INVS: variants seen among roughly 807,000 people sequenced by gnomAD.
The protein encoded by INVS is inversin.
INVS carries 86 observed loss-of-function variants against 108.8 expected under a neutral mutation model. The ratio of observed to expected loss-of-function variants is 0.79; its 90% CI spans 0.66 to 0.95. The LOEUF (loss-of-function observed/expected upper bound fraction) is 0.95, where lower values mean the gene tolerates loss of function less well. Ranked by LOEUF, INVS falls within the 40% of genes least tolerant of loss-of-function variation. The pLI, the probability that INVS is intolerant of heterozygous loss-of-function variation, is 0.00. For synonymous variants in INVS, 455 were observed against 473.5 expected (o/e 0.96, Z 0.51); for missense variants, 1,169 against 1,297.4 (o/e 0.90, Z 1.52).
At chr9:100,239,912 T>G in intron 5 of INVS, 148 bp from the exon 6 acceptor site, 5 of 715,830 alleles carry the variant, frequency 7.0e-6, no homozygotes, top group Non-Finnish European at 1.2e-5. Flanking sequence ...GAGGCTGCAG[T>G]GAGCTGTGAT....
chr9:100,126,990 T>C (rs1273576318), intron 3 of INVS, among the ~76,000 whole-genome samples: 1 of 152,054 alleles, frequency 6.6e-6, no homozygotes, highest in Non-Finnish European at 1.5e-5. Context: ...CTATAAAAAG[T>C]TGAAATCCCA....
chr9:100,299,555 AACAC>A (rs55800849), intron 16 of INVS, among the ~76,000 whole-genome samples: 8,030 of 125,350 alleles, frequency 0.064, 366 homozygotes, highest in Non-Finnish European at 0.099. Flanking sequence ...ATTGACACAC[AACAC>A]ACACACACAC....
intron 10 of INVS, among the ~76,000 whole-genome samples, chr9:100,260,426 C>T (rs1832584312): frequency 1.3e-5 from 2 of 151,494 alleles, no homozygotes; most frequent in African/African-American, 2.4e-5. Context: ...CTCCTGACCT[C>T]GTGATCCACC....
In INVS at chr9:100,174,323, C is replaced by G. The variant is rs560959549; in HGVS notation, c.273+47774C>G. 3.3e-5 allele frequency among the ~76,000 whole-genome samples: 5 copies of G among 151,740 alleles called. No individual in the cohort carries two copies. In the South Asian group the frequency reaches 1.0e-3, roughly 32 times the overall value. On this transcript the variant is annotated intron_variant, in intron 3 of 16. Coordinates refer to ENST00000262457, the MANE Select transcript of INVS (RefSeq NM_014425.5). ...CTGAAAACTACAATATCTAAAGATT[C>G]ACTAGAAGGGCTTATCAGCAGATTG...
rs548033276 is a variant in INVS at position 100,240,064 on chromosome 9, C to T, written c.620C>T (p.Ala207Val). The T allele has an allele frequency of 6.2e-7, 1 of 1,613,730 alleles. No individual in the cohort carries two copies. The highest frequency in any genetic ancestry group is 1.1e-5 in the South Asian group (1 of 91,086). The change falls in exon 6 of 17, where the codon GCT becomes GTT. Residue 207 changes from alanine to valine, a missense_variant. Ala to Val is a moderately conservative substitution (Grantham distance 64). This residue lies in a region of INVS where 365 missense variants were observed against 397.5 expected (regional missense o/e 0.92). Transcript: ENST00000262457. ...AVHTVRCILD[A>V]APTESLLNWQ... ...TCTCTGGTTCCTTCAAATCAGGATG[C>T]TGCTCCAACAGAGTCTTTACTGAAC...
intron 13 of INVS, among the ~76,000 whole-genome samples, chr9:100,289,849 A>C (rs886347583): frequency 4.6e-5 from 7 of 152,256 alleles, no homozygotes; most frequent in Non-Finnish European, 1.0e-4. Context: ...GCTTGTATGG[A>C]CATAAGTTTT....
chr9:100,302,156 A>G lies in INVS; in HGVS notation c.*1482A>G. On this transcript the variant is annotated 3_prime_UTR_variant, in exon 17 of 17. Transcript: ENST00000262457. The stretch of plus-strand genomic sequence containing the variant: ...TTTTCTTCAAATAAGATAGATGTGA[A>G]TAAACAACTTCAAACAGGAGGTACT... 1 of 1,288,830 alleles carries G rather than the reference A, an allele frequency of 7.8e-7. No individual in the cohort carries two copies. The highest frequency in any genetic ancestry group is 1.1e-6 in the Non-Finnish European group (1 of 924,778). The allele number at this position is 1,288,830 out of a possible 1,614,324, so 79.8% of individuals were successfully genotyped here.
intron 5 of INVS, among the ~76,000 whole-genome samples, chr9:100,234,321 G>A (rs1035675314): frequency 2.6e-5 from 4 of 152,066 alleles, no homozygotes; most frequent in Non-Finnish European, 4.4e-5. Flanking sequence ...CCAGCTCCTG[G>A]ATTCACTGAT....
At chr9:100,197,549 C>T (rs775272808) in intron 3 of INVS, among the ~76,000 whole-genome samples, 1 of 152,212 alleles carries the variant, frequency 6.6e-6, no homozygotes, top group Non-Finnish European at 1.5e-5. Flanking sequence ...TTCTTGTTCA[C>T]CTTCCTATAA....
intron 3 of INVS, among the ~76,000 whole-genome samples, chr9:100,129,158 A>C (rs1827973928): frequency 6.6e-6 from 1 of 151,492 alleles, no homozygotes; most frequent in Non-Finnish European, 1.5e-5. Context: ...TGTCTCAAAA[A>C]ATATATATTT....
At chr9:100,188,250 G>A (rs1439341140) in intron 3 of INVS, among the ~76,000 whole-genome samples, 1 of 152,108 alleles carries the variant, frequency 6.6e-6, no homozygotes, top group Non-Finnish European at 1.5e-5. Context: ...TCCTTGTCTT[G>A]TTCCGGTTCT....
At chr9:100,181,682 C>G (rs1489961151) in intron 3 of INVS, among the ~76,000 whole-genome samples, 1 of 152,106 alleles carries the variant, frequency 6.6e-6, no homozygotes, top group African/African-American at 2.4e-5. Flanking sequence ...TGAAAATGGC[C>G]ATACTGCCCA....
rs750287289 is a variant in INVS at position 100,292,628 on chromosome 9, C to A, written c.2371C>A (p.Gln791Lys). 6 of 1,614,078 alleles carry A rather than the reference C, an allele frequency of 3.7e-6. No homozygotes were observed. Among genetic ancestry groups the A allele is most frequent in the Admixed American group, 1.7e-5 (1 of 60,006 alleles). Residue 791 changes from glutamine (Q) to lysine (K), a missense_variant, in exon 14 of 17, where the codon CAG (glutamine) becomes AAG (lysine). Physicochemically the swap from Gln to Lys is moderately conservative, Grantham distance 53. Around this residue, in one of 3 missense-constraint regions of INVS, gnomAD observed 533 missense variants for 536.0 expected, o/e 0.99. Coordinates refer to ENST00000262457, the MANE Select transcript of INVS (RefSeq NM_014425.5). ...AGAACCCAAGGCCAAATGTGCCCCC[C>A]AGAAAAGGCGCACTCAAGAGCTCAG... ...DTEPKAKCAP[Q>K]KRRTQELRGG...
In INVS at chr9:100,116,718, A is replaced by T. The variant is rs543858992; in HGVS notation, c.107-9665A>T. On this transcript the variant is annotated intron_variant, in intron 2 of 16. Coordinates refer to ENST00000262457, the MANE Select transcript of INVS (RefSeq NM_014425.5). ...GTTTTATTTATTTTTTATTTTTTTA[A>T]CAGGCTTTATTCACTTTATTTTTCT... 4 of 696,388 alleles carry T rather than the reference A, an allele frequency of 5.7e-6. No individual in the cohort carries two copies. In the East Asian group the frequency reaches 9.5e-5, roughly 17 times the overall value. 43.1% of individuals were successfully genotyped at this position (696,388 alleles called of 1,614,324 possible). A position where few individuals can be genotyped will look rare whatever the true frequency, so the allele number is the denominator to read the frequency against.
In INVS at chr9:100,240,114, CCT is replaced by C. The variant is rs1205325321; in HGVS notation, c.673_674del (p.Leu225SerfsTer6). ...CTGGCAAGACTACGAGGGTCGAACTCCTCTTCACTTTGCAGTTGCTGATGGGA... is the reference window on the plus strand; with the variant it reads ...CTGGCAAGACTACGAGGGTCGAACTCCTTCACTTTGCAGTTGCTGATGGGA... ...LNWQDYEGRT[P>X]LHFAVADGNV... On this transcript the variant is annotated frameshift_variant, in exon 6 of 17. Transcript: ENST00000262457. LOFTEE classifies it high-confidence loss of function. The C allele has an allele frequency of 1.9e-6, 3 of 1,614,172 alleles. No individual in the cohort carries two copies. The highest frequency in any genetic ancestry group is 4.5e-5 in the East Asian group (2 of 44,884).
At chr9:100,172,708 A>C (rs1829579544) in intron 3 of INVS, among the ~76,000 whole-genome samples, 1 of 152,200 alleles carries the variant, frequency 6.6e-6, no homozygotes, top group Non-Finnish European at 1.5e-5. Context: ...ATTTAAAAAC[A>C]AGTAGATAGA....
chr9:100,264,965 TGGC>T, intron 11 of INVS, 37 bp downstream of exon 11: 4 of 1,306,240 alleles, frequency 3.1e-6, no homozygotes, highest in Non-Finnish European at 4.4e-6. Flanking sequence ...TTTTTTGAGA[TGGC>T]TTCTCGCCCT....
At chr9:100,181,128 T>C (rs1182275697) in intron 3 of INVS, among the ~76,000 whole-genome samples, 1 of 152,088 alleles carries the variant, frequency 6.6e-6, no homozygotes, top group Admixed American at 6.6e-5. Context: ...GGAATGTATC[T>C]CAAAATAATA....
chr9:100,298,295 T>C (rs1045673361), intron 16 of INVS: 53 of 1,295,840 alleles, frequency 4.1e-5, no homozygotes, highest in Non-Finnish European at 4.8e-5. Context: ...TAAATGAAAA[T>C]ACTGTCACTC....
Sources: allele counts gnomAD v4.1 joint callset (sites outside exome capture counted in the v4.1 genomes callset), GRCh38; gene constraint gnomAD v4.1.1; regional missense constraint gnomAD v4.1.1; transcripts MANE v1.5; gene names NCBI Gene and HGNC (gene_info 2026-07-23, HGNC 2026-07-21).